Variants in UBASH3B observed in about 807,000 individuals in gnomAD.
UBASH3B encodes the protein ubiquitin-associated and SH3 domain-containing protein B.
A neutral mutation model predicts 83.4 loss-of-function variants in UBASH3B; 37 were observed. That is an observed-to-expected ratio of 0.44 (90% CI 0.34 to 0.58). The LOEUF (loss-of-function observed/expected upper bound fraction) is 0.58. Among genes scored for constraint, UBASH3B ranks in the 20% least tolerant of loss-of-function variants. UBASH3B has a pLI of 0.01. For synonymous variants in UBASH3B, 304 were observed against 318.3 expected, an observed-to-expected ratio of 0.96 and a Z score of 0.48; for missense variants, 657 against 827.2, an observed-to-expected ratio of 0.79 and a Z score of 2.52.
intron 1 of UBASH3B, among the ~76,000 whole-genome samples, chr11:122,673,112 G>A (rs1377416049): frequency 1.3e-5 from 2 of 152,208 alleles, no homozygotes; most frequent in Non-Finnish European, 2.9e-5. Flanking sequence ...GCACGTGACA[G>A]TGAGTTGTGC....
At chr11:122,705,700 C>G (rs1864109436) in intron 1 of UBASH3B, among the ~76,000 whole-genome samples, 1 of 152,122 alleles carries the variant, frequency 6.6e-6, no homozygotes. Context: ...GACCTTAAAT[C>G]TCACCAACTC....
In UBASH3B at chr11:122,690,236, TTA is replaced by T. The variant is rs1211145295; in HGVS notation, c.161+34040_161+34041del. Among the ~76,000 whole-genome samples, 510 of 76,796 alleles carry T rather than the reference TTA, an allele frequency of 6.6e-3. 6 individuals carry two copies. Among genetic ancestry groups the T allele is most frequent in the Middle Eastern group, 0.016 (2 of 126 alleles). 50.4% of individuals were successfully genotyped at this position (76,796 alleles called of 152,430 possible). On this transcript the variant is annotated intron_variant, in intron 1 of 13. Transcript: ENST00000284273. ...CAATTATATATATATATATCCAATT[TTA>T]TATATATATATATCCAATTATATAT... is the stretch of plus-strand genomic sequence containing the variant.
intron 1 of UBASH3B, among the ~76,000 whole-genome samples, chr11:122,720,549 T>C (rs1860607288): frequency 6.6e-6 from 1 of 152,226 alleles, no homozygotes; most frequent in Admixed American, 6.5e-5. Context: ...ATCTAAAGCC[T>C]TCCTGTCTCT....
chr11:122,705,307 G>A (rs575045395), intron 1 of UBASH3B, among the ~76,000 whole-genome samples: 34 of 152,128 alleles, frequency 2.2e-4, no homozygotes, highest in Middle Eastern at 6.8e-3. Context: ...TTAGCCGGGT[G>A]TGGTGGCATG....
chr11:122,790,042 C>T (rs144524229), intron 6 of UBASH3B, among the ~76,000 whole-genome samples: 4 of 152,220 alleles, frequency 2.6e-5, no homozygotes, highest in Non-Finnish European at 5.9e-5. Flanking sequence ...GCCAGCGCTT[C>T]CCTGGCACAC....
chr11:122,730,747 C>T (rs557753254), intron 1 of UBASH3B, among the ~76,000 whole-genome samples: 4 of 152,280 alleles, frequency 2.6e-5, no homozygotes, highest in South Asian at 4.1e-4. Context: ...AGGCATGTGC[C>T]ACCACGCCCG....
At chr11:122,724,611 G>C (rs1860699615) in intron 1 of UBASH3B, among the ~76,000 whole-genome samples, 1 of 121,516 alleles carries the variant, frequency 8.2e-6, no homozygotes, top group South Asian at 2.5e-4. Context: ...GGCCAGGCCT[G>C]AACTGGCTTC....
rs1861471465 is a variant in UBASH3B, at chr11:122,812,677, C to T, written c.*2791C>T. On this transcript the variant is annotated 3_prime_UTR_variant, in exon 14 of 14. Coordinates refer to ENST00000284273, the MANE Select transcript of UBASH3B (RefSeq NM_032873.5). ...TAATCTGGGATTGAAAGCCTGAAAGCATTTCCTGCTTCTACAAGTGTGCCA... is the reference window on the plus strand; with the variant it reads ...TAATCTGGGATTGAAAGCCTGAAAGTATTTCCTGCTTCTACAAGTGTGCCA... 1 of 152,214 alleles carries T rather than the reference C, an allele frequency of 6.6e-6. No individual in the cohort carries two copies. The highest frequency in any genetic ancestry group is 6.5e-5 in the Admixed American group (1 of 15,288). 9.4% of individuals were successfully genotyped at this position (152,214 alleles called of 1,614,324 possible).
chr11:122,719,283 T>C (rs1860583043), intron 1 of UBASH3B, among the ~76,000 whole-genome samples: 1 of 152,240 alleles, frequency 6.6e-6, no homozygotes, highest in Admixed American at 6.5e-5. Flanking sequence ...TAGATACCCA[T>C]GTCCACCAGT....
At chr11:122,807,375 T>TTA (rs1472226382) in intron 12 of UBASH3B, among the ~76,000 whole-genome samples, 1 of 152,160 alleles carries the variant, frequency 6.6e-6, no homozygotes, top group African/African-American at 2.4e-5. Context: ...AACGACTTCT[T>TTA]GCACACCTGC....
chr11:122,700,762 G>A (rs913591070), intron 1 of UBASH3B, among the ~76,000 whole-genome samples: 2 of 152,176 alleles, frequency 1.3e-5, no homozygotes, highest in Admixed American at 6.5e-5. Context: ...CTCCCAAAGC[G>A]CTGGGAATAT....
At chr11:122,790,758 CCAA>C (rs1394850331) in intron 6 of UBASH3B, among the ~76,000 whole-genome samples, 1 of 151,792 alleles carries the variant, frequency 6.6e-6, no homozygotes, top group Non-Finnish European at 1.5e-5. Flanking sequence ...ACCTGCCAAA[CCAA>C]CATGGTGAAA....
At chr11:122,665,643 A>C (rs977643971) in intron 1 of UBASH3B, among the ~76,000 whole-genome samples, 1 of 152,260 alleles carries the variant, frequency 6.6e-6, no homozygotes, top group Non-Finnish European at 1.5e-5. Context: ...CCTTTAAAGA[A>C]AACTCTTCAG....
intron 1 of UBASH3B, among the ~76,000 whole-genome samples, chr11:122,697,742 C>T (rs775549036): frequency 1.3e-5 from 2 of 152,156 alleles, no homozygotes; most frequent in Admixed American, 1.3e-4. Flanking sequence ...GCAGGATAGC[C>T]ACATTAAATA....
chr11:122,667,373 T>C (rs1250551560), intron 1 of UBASH3B, among the ~76,000 whole-genome samples: 2 of 152,190 alleles, frequency 1.3e-5, no homozygotes, highest in Non-Finnish European at 2.9e-5. Flanking sequence ...TGTATATGTA[T>C]GTATATACTG....
chr11:122,807,512 A>T (rs556183565), intron 12 of UBASH3B, among the ~76,000 whole-genome samples: 1 of 152,220 alleles, frequency 6.6e-6, no homozygotes, highest in Admixed American at 6.5e-5. Flanking sequence ...TCTTGTCGGT[A>T]TGTATGTATA....
At chr11:122,801,724 A>C (rs550497340) in intron 11 of UBASH3B, among the ~76,000 whole-genome samples, 6 of 152,306 alleles carry the variant, frequency 3.9e-5, no homozygotes, top group Middle Eastern at 3.4e-3. Flanking sequence ...AGCATTTTTA[A>C]ATCTCTGTAT....
In UBASH3B at chr11:122,758,079, G is replaced by A. The variant is rs1050090812; in HGVS notation, c.162-18140G>A. ...CCTGGGGGCCCTTCGTCTGGCAAGGGCTTAGGTGTCTTTACCAAGTGCCAA... is the reference window on the plus strand; with the variant it reads ...CCTGGGGGCCCTTCGTCTGGCAAGGACTTAGGTGTCTTTACCAAGTGCCAA... On this transcript the variant is annotated intron_variant, in intron 1 of 13. Transcript: ENST00000284273. This position sits in a 1 kb window ranked among gnomAD's most constrained non-coding sequence, Gnocchi z 4.2. Among the ~76,000 whole-genome samples the A allele has an allele frequency of 2.6e-5, 4 of 152,156 alleles. No homozygotes were observed. Among genetic ancestry groups the A allele is most frequent in the African/African-American group, 9.7e-5 (4 of 41,444 alleles).
chr11:122,760,551 C>G (rs911845229), intron 1 of UBASH3B, among the ~76,000 whole-genome samples: 3 of 152,032 alleles, frequency 2.0e-5, no homozygotes, highest in Admixed American at 6.6e-5. Flanking sequence ...TTAGTAGAGA[C>G]GGGGTTTCAC....
Sources: gnomAD v4.1 joint callset for allele counts (sites outside exome capture counted in the v4.1 genomes callset) on GRCh38, gnomAD v4.1.1 for gene constraint, Gnocchi (gnomAD v3.1) non-coding constraint, MANE v1.5 for transcripts, NCBI Gene and HGNC (gene_info 2026-07-23, HGNC 2026-07-21) for gene names.